Variants in SMG1 observed in about 807,000 individuals in gnomAD.
SMG1 encodes the protein SMG1 nonsense mediated mRNA decay associated PI3K related kinase.
A neutral mutation model predicts 419.9 loss-of-function variants in SMG1; 22 were observed. The ratio of observed to expected loss-of-function variants is 0.05; its 90% confidence interval spans 0.04 to 0.07. The LOEUF is 0.07. SMG1 is among the 10% of genes least tolerant of loss of function. The pLI is 1.00. For synonymous variants in SMG1, 1,538 were observed against 1,553.5 expected (o/e 0.99, Z 0.23); for missense variants, 3,185 against 4,342.0 (o/e 0.73, Z 7.49).
chr16:18,901,943 CA>C lies in SMG1; in HGVS notation c.93-4988del, dbSNP rs1212860915. Among the ~76,000 whole-genome samples, 90 of 101,992 alleles carry C rather than the reference CA, an allele frequency of 8.8e-4. 1 individual carries two copies. The highest frequency in any genetic ancestry group is 2.0e-3 in the Admixed American group (14 of 7,038). The allele number at this position is 101,992 out of a possible 152,430, so 66.9% of individuals were successfully genotyped here. ...CTGGGCAACAGAGCAAGACTATCTC[CA>C]AAAAAAAAAAGGGGGGGGTGGCGGT... On this transcript the variant is annotated intron_variant, in intron 1 of 62. Coordinates refer to ENST00000446231, the MANE Select transcript of SMG1 (RefSeq NM_015092.5).
chr16:18,893,349 G>C (rs1489619119), intron 3 of SMG1, among the ~76,000 whole-genome samples: 1 of 152,176 alleles, frequency 6.6e-6, no homozygotes, highest in Admixed American at 6.5e-5. Flanking sequence ...TTTGCTGGGC[G>C]AGGTGGCTCT....
At position 18,835,991 on chromosome 16, in the gene SMG1, A is replaced by G. The variant is rs2033543457; in HGVS notation, c.7999T>C (p.Trp2667Arg). The stretch of plus-strand genomic sequence containing the variant: ...GTGTTACAGATGAGCTCTTCCATCC[A>G]GGTCTTCCACTGTTCAATTCGATGT... ...QKHRIEQWKT[W>R]MEELICNTTV... The change falls in exon 48 of 63, where the codon TGG becomes CGG. Residue 2667 changes from tryptophan to arginine, a missense_variant. Trp to Arg is a moderately radical substitution (Grantham distance 101). This residue lies in a region of SMG1 where 412 missense variants were observed against 546.6 expected (regional missense o/e 0.75). Coordinates refer to ENST00000446231, the MANE Select transcript of SMG1 (RefSeq NM_015092.5). 2 of 1,556,100 alleles carry G rather than the reference A, an allele frequency of 1.3e-6. No homozygotes were observed. Among genetic ancestry groups the G allele is most frequent in the Non-Finnish European group, 8.7e-7 (1 of 1,149,250 alleles).
chr16:18,924,301 A>T (rs1470215719), intron 1 of SMG1, among the ~76,000 whole-genome samples: 1 of 152,230 alleles, frequency 6.6e-6, no homozygotes, highest in African/African-American at 2.4e-5. Context: ...CAATGAAGTC[A>T]GCTGGCCCTA....
intron 2 of SMG1, among the ~76,000 whole-genome samples, chr16:18,896,423 TAAGCA>T (rs1360153933): frequency 6.6e-6 from 1 of 152,296 alleles, no homozygotes; most frequent in African/African-American, 2.4e-5. Context: ...CATTGGAAAA[TAAGCA>T]AAGAAATGAA....
In SMG1 at chr16:18,835,941, G is replaced by C. The variant is rs765750650; in HGVS notation, c.8049C>G (p.Leu2683=). 1.9e-6 allele frequency: 3 copies of C among 1,552,284 alleles called. No individual in the cohort carries two copies. The highest frequency in any genetic ancestry group is 1.7e-6 in the Non-Finnish European group (2 of 1,147,092). ...AAGCACTATCAACTTACTTCCTATA[G>C]AGCTCTTGACAACGCTCTACTGTGG... ...CNTTVERCQE[L]YRKYEMQYAP... Residue 2683 remains leucine, a synonymous_variant, in exon 48 of 63, where the codon CTC becomes CTG. Coordinates refer to ENST00000446231, the MANE Select transcript of SMG1 (RefSeq NM_015092.5).
chr16:18,899,509 G>A (rs1030012577), intron 1 of SMG1, among the ~76,000 whole-genome samples: 8 of 152,048 alleles, frequency 5.3e-5, no homozygotes, highest in Non-Finnish European at 1.0e-4. Context: ...GAACCTAAAA[G>A]CACAAAATGC....
At chr16:18,832,559 G>A (rs1402510200) in intron 51 of SMG1, among the ~76,000 whole-genome samples, 2 of 148,120 alleles carry the variant, frequency 1.4e-5, no homozygotes, top group Non-Finnish European at 3.0e-5. Flanking sequence ...ATATATGTAT[G>A]TATGTGACCG....
intron 26 of SMG1, among the ~76,000 whole-genome samples, chr16:18,860,046 G>A (rs1412981759): frequency 3.9e-5 from 6 of 152,008 alleles, no homozygotes; most frequent in Non-Finnish European, 7.4e-5. Flanking sequence ...GTGAAACCCC[G>A]TCTCTACTAA....
At chr16:18,911,345 T>C (rs975919075) in intron 1 of SMG1, 6 of 21,878 alleles carry the variant, frequency 2.7e-4, no homozygotes, top group African/African-American at 6.0e-4. Flanking sequence ...CTACTAAAAA[T>C]ACAAAAAAAA....
At chr16:18,899,262 T>A (rs941043520) in intron 1 of SMG1, among the ~76,000 whole-genome samples, 3 of 152,072 alleles carry the variant, frequency 2.0e-5, no homozygotes, top group African/African-American at 7.2e-5. Context: ...CAAACTAAAC[T>A]GTAAAACCAG....
chr16:18,814,239 G>GT (rs2031770901), intron 60 of SMG1, among the ~76,000 whole-genome samples: 1 of 151,916 alleles, frequency 6.6e-6, no homozygotes, highest in Non-Finnish European at 1.5e-5. Context: ...TGCACAGCAA[G>GT]TAAATCAACA....
At chr16:18,903,699 T>C (rs2037439374) in intron 1 of SMG1, among the ~76,000 whole-genome samples, 2 of 152,200 alleles carry the variant, frequency 1.3e-5, no homozygotes, top group South Asian at 4.1e-4. Flanking sequence ...GGCCTAAGGT[T>C]GCACAGCTTG....
intron 1 of SMG1, among the ~76,000 whole-genome samples, chr16:18,908,951 C>G (rs2037689076): frequency 1.3e-5 from 2 of 151,752 alleles, no homozygotes; most frequent in Admixed American, 6.6e-5. Flanking sequence ...TGTAGTTATT[C>G]TGATAAAGTT....
intron 62 of SMG1, among the ~76,000 whole-genome samples, chr16:18,810,333 A>G (rs1424675925): frequency 6.6e-6 from 1 of 152,216 alleles, no homozygotes; most frequent in Non-Finnish European, 1.5e-5. Flanking sequence ...TATGAGGAAA[A>G]TATCAGACAA....
At chr16:18,921,966 A>C (rs1404256925) in intron 1 of SMG1, among the ~76,000 whole-genome samples, 2 of 152,226 alleles carry the variant, frequency 1.3e-5, no homozygotes, top group Non-Finnish European at 1.5e-5. Flanking sequence ...TAAGACACTC[A>C]ATATAGATCT....
In SMG1 at chr16:18,892,657, C is replaced by T. The variant is rs1256368766; in HGVS notation, c.413-303G>A. ...CTGAGGCAGGAGAATCACTGGAGCC[C>T]GTGAGGCGGAGGTTGCAGTGAGCCA... On this transcript the variant is annotated intron_variant, in intron 3 of 62. Coordinates refer to ENST00000446231, the MANE Select transcript of SMG1 (RefSeq NM_015092.5). Among the ~76,000 whole-genome samples, 8 of 152,104 alleles carry T rather than the reference C, an allele frequency of 5.3e-5. No individual in the cohort carries two copies. In the East Asian group the frequency reaches 9.7e-4, roughly 18 times the overall value.
At chr16:18,912,650 G>A (rs908884230) in intron 1 of SMG1, among the ~76,000 whole-genome samples, 5 of 152,028 alleles carry the variant, frequency 3.3e-5, no homozygotes, top group Admixed American at 1.3e-4. Flanking sequence ...TCAATAAATT[G>A]ATTACCACAT....
chr16:18,830,511 G>A (rs776283563), intron 51 of SMG1, 142 bp from the exon 52 acceptor site: 63 of 951,544 alleles, frequency 6.6e-5, no homozygotes, highest in Middle Eastern at 2.8e-4. Context: ...TTATTAGGCC[G>A]GGCGCGGTGG....
rs1489402990 is a variant in SMG1, at chr16:18,807,737, G to T, written c.*1832C>A. The T allele has an allele frequency of 6.6e-6, 1 of 151,966 alleles. No homozygotes were observed. Among genetic ancestry groups the T allele is most frequent in the African/African-American group, 2.4e-5 (1 of 41,364 alleles). The allele number at this position is 151,966 out of a possible 1,614,324, so 9.4% of individuals were successfully genotyped here. A position where few individuals can be genotyped will look rare whatever the true frequency, so the allele number is the denominator to read the frequency against. On this transcript the variant is annotated 3_prime_UTR_variant, in exon 63 of 63. Coordinates refer to ENST00000446231, the MANE Select transcript of SMG1 (RefSeq NM_015092.5). ...CTAATCTCTAAAATGCAGGGAAAAT[G>T]TACTCAAACAATTTTTTTTTTTATC...
Sources: allele counts gnomAD v4.1 joint callset (sites outside exome capture counted in the v4.1 genomes callset), GRCh38; gene constraint gnomAD v4.1.1; regional missense constraint gnomAD v4.1.1; transcripts MANE v1.5; gene names NCBI Gene and HGNC (gene_info 2026-07-23, HGNC 2026-07-21).